The following EVA1C variants were observed in gnomAD, a reference collection of about 807,000 sequenced individuals.
EVA1C encodes the protein protein eva-1 homolog C.
EVA1C carries 25 observed loss-of-function variants against 45.4 expected under a neutral mutation model. The ratio of observed to expected loss-of-function variants is 0.55; its 90% confidence interval spans 0.40 to 0.77. EVA1C has a LOEUF of 0.77. Ranked by LOEUF, EVA1C falls within the 30% of genes least tolerant of loss-of-function variation. The probability of loss-of-function intolerance (pLI) is 0.00; values close to 1 mark genes in which losing one functional copy is unlikely to be tolerated. For synonymous variants in EVA1C, 190 were observed against 221.2 expected, an observed-to-expected ratio of 0.86 and a Z score of 1.25; for missense variants, 479 against 554.8, an observed-to-expected ratio of 0.86 and a Z score of 1.37.
At chr21:32,447,763 T>C (rs1174830482) in intron 1 of EVA1C, among the ~76,000 whole-genome samples, 1 of 152,166 alleles carries the variant, frequency 6.6e-6, no homozygotes, top group Non-Finnish European at 1.5e-5. Flanking sequence ...TGGCGTGCAA[T>C]GGCGCGATCT....
chr21:32,482,854 CTTTTTTTTTT>C (rs774611494), intron 4 of EVA1C, among the ~76,000 whole-genome samples: 1 of 60,970 alleles, frequency 1.6e-5, no homozygotes, highest in Non-Finnish European at 2.9e-5. Flanking sequence ...GTGTTATTCC[CTTTTTTTTTT>C]TTTTTTTTTT....
intron 1 of EVA1C, among the ~76,000 whole-genome samples, chr21:32,415,749 A>G (rs1880709227): frequency 1.3e-5 from 2 of 152,078 alleles, no homozygotes; most frequent in South Asian, 2.1e-4. Flanking sequence ...CTCATCTCCA[A>G]AGATTTTGAG....
chr21:32,508,551 C>T (rs1454662633), intron 7 of EVA1C, among the ~76,000 whole-genome samples: 2 of 152,256 alleles, frequency 1.3e-5, no homozygotes, highest in Non-Finnish European at 2.9e-5. Flanking sequence ...TCAGCACCAC[C>T]TTGTCACGGA....
intron 1 of EVA1C, among the ~76,000 whole-genome samples, chr21:32,413,421 A>G (rs2033911131): frequency 6.6e-6 from 1 of 152,164 alleles, no homozygotes; most frequent in Non-Finnish European, 1.5e-5. Context: ...TTGCCCATGT[A>G]AGGAGACTAG....
intron 4 of EVA1C, among the ~76,000 whole-genome samples, chr21:32,488,827 C>T (rs1268680101): frequency 6.6e-6 from 1 of 151,382 alleles, no homozygotes; most frequent in Admixed American, 6.6e-5. Context: ...CCCAGGTGAT[C>T]CGCCCACCTT....
intron 4 of EVA1C, 122 bp from the exon 5 acceptor site, chr21:32,494,905 A>T (rs890216122): frequency 6.6e-6 from 7 of 1,057,902 alleles, no homozygotes; most frequent in Non-Finnish European, 6.9e-6. Context: ...GAAAATAAGC[A>T]GAGAAACTCT....
At chr21:32,446,170 G>A (rs1326248118) in intron 1 of EVA1C, among the ~76,000 whole-genome samples, 3 of 152,134 alleles carry the variant, frequency 2.0e-5, no homozygotes. Context: ...TTGAACCTGG[G>A]AGGCGGAGGT....
At chr21:32,476,388 T>G (rs1419693021) in intron 4 of EVA1C, among the ~76,000 whole-genome samples, 2 of 152,144 alleles carry the variant, frequency 1.3e-5, no homozygotes, top group African/African-American at 2.4e-5. Context: ...ACGACTGGAA[T>G]CCCAGCACTT....
At chr21:32,512,671 G>A (rs772591556) in intron 7 of EVA1C, among the ~76,000 whole-genome samples, 3 of 152,188 alleles carry the variant, frequency 2.0e-5, no homozygotes, top group African/African-American at 7.2e-5. Context: ...TGGGTGGCTG[G>A]AAAAGACTAT....
chr21:32,456,393 G>T (rs59839900), intron 2 of EVA1C, among the ~76,000 whole-genome samples: 2 of 152,234 alleles, frequency 1.3e-5, no homozygotes, highest in East Asian at 3.9e-4. Context: ...CTCTGTGGTT[G>T]TAACAGTGGA....
rs189848372 is a variant in EVA1C, at chr21:32,474,032, A to G, written c.634+6184A>G. 3.7e-6 allele frequency: 3 copies of G among 814,280 alleles called. No homozygotes were observed. Among genetic ancestry groups the G allele is most frequent in the Admixed American group, 6.2e-5 (1 of 16,096 alleles). 50.4% of individuals were successfully genotyped at this position (814,280 alleles called of 1,614,324 possible). ...AGCCTCCAACTCATGGGCTCAAGCA[A>G]TTCTCTCACCTCAGCCTCCTGAGTA... On this transcript the variant is annotated intron_variant, in intron 4 of 7. Coordinates refer to ENST00000300255, the MANE Select transcript of EVA1C (RefSeq NM_058187.5). The surrounding 1 kb of genome is among the most constrained non-coding windows in gnomAD (Gnocchi z 4.4).
intron 4 of EVA1C, among the ~76,000 whole-genome samples, chr21:32,492,124 G>A (rs1474010057): frequency 6.6e-6 from 1 of 152,114 alleles, no homozygotes; most frequent in African/African-American, 2.4e-5. Context: ...ACTCTGGGTG[G>A]GCAGGCCTGC....
chr21:32,450,890 C>T (rs2035556084), intron 1 of EVA1C, among the ~76,000 whole-genome samples: 2 of 152,156 alleles, frequency 1.3e-5, no homozygotes, highest in South Asian at 4.1e-4. Context: ...GTCCGTTTTG[C>T]CACTCATGTT....
intron 6 of EVA1C, among the ~76,000 whole-genome samples, chr21:32,502,655 A>G (rs950028180): frequency 1.6e-4 from 24 of 152,310 alleles, no homozygotes; most frequent in Non-Finnish European, 2.8e-4. Flanking sequence ...TGAAAACCAT[A>G]TGAAAGCACC....
intron 7 of EVA1C, among the ~76,000 whole-genome samples, chr21:32,511,602 C>T (rs2037955577): frequency 6.6e-6 from 1 of 151,958 alleles, no homozygotes; most frequent in South Asian, 2.1e-4. Context: ...CAGGGGAACA[C>T]AAATCAAGAC....
chr21:32,434,649 G>T (rs367557914), intron 1 of EVA1C, among the ~76,000 whole-genome samples: 2 of 151,024 alleles, frequency 1.3e-5, no homozygotes, highest in African/African-American at 2.4e-5. Flanking sequence ...TATATATATA[G>T]ATATAGATAT....
At position 32,437,396 on chromosome 21, in the gene EVA1C, C is replaced by A. The variant is rs542995045; in HGVS notation, c.161-15916C>A. Reference sequence around the variant, plus strand: ...TTTCTCCCCCGGAGGACTGCCTGTACCCTGATTTCTTCAAGGGTCTCTCCA... The same window carrying A: ...TTTCTCCCCCGGAGGACTGCCTGTAACCTGATTTCTTCAAGGGTCTCTCCA... On this transcript the variant is annotated intron_variant, in intron 1 of 7. Transcript: ENST00000300255. 2.5e-3 allele frequency among the ~76,000 whole-genome samples: 378 copies of A among 152,254 alleles called. 1 individual carries two copies. The highest frequency in any genetic ancestry group is 8.7e-3 in the African/African-American group (362 of 41,552).
At chr21:32,417,068 C>T (rs2034076973) in intron 1 of EVA1C, among the ~76,000 whole-genome samples, 1 of 152,168 alleles carries the variant, frequency 6.6e-6, no homozygotes, top group Non-Finnish European at 1.5e-5. Context: ...ATGGCCTTAA[C>T]CGATCCTCCT....
rs886280013 is a variant in EVA1C, at chr21:32,468,913, G to A, written c.634+1065G>A. On this transcript the variant is annotated intron_variant, in intron 4 of 7. Coordinates refer to ENST00000300255, the MANE Select transcript of EVA1C (RefSeq NM_058187.5). Reference sequence around the variant, plus strand: ...ACAGTAGGGTTATACACAGGGCGCCGTCTGAGTGGATTAGGGCCCTGGCTC... The same window carrying A: ...ACAGTAGGGTTATACACAGGGCGCCATCTGAGTGGATTAGGGCCCTGGCTC... Among the ~76,000 whole-genome samples the A allele has an allele frequency of 1.5e-4, 23 of 152,268 alleles. No homozygotes were observed. In the Middle Eastern group the frequency reaches 0.014, roughly 90 times the overall value.
Sources: allele counts gnomAD v4.1 joint callset (sites outside exome capture counted in the v4.1 genomes callset), GRCh38; gene constraint gnomAD v4.1.1; non-coding constraint Gnocchi (gnomAD v3.1); transcripts MANE v1.5; gene names NCBI Gene and HGNC (gene_info 2026-07-23, HGNC 2026-07-21).